CUX1: variants seen among roughly 807,000 people sequenced by gnomAD.
The protein encoded by CUX1 is cut like homeobox 1.
Under a neutral mutation model 158.8 loss-of-function variants are expected in CUX1, and 31 were observed. The observed-to-expected ratio is 0.20, with a 90% confidence interval of 0.15 to 0.26. The LOEUF is 0.26. Ranked by LOEUF, CUX1 falls within the 10% of genes least tolerant of loss-of-function variation. The pLI, the probability that CUX1 is intolerant of heterozygous loss-of-function variation, is 1.00. For missense variants in CUX1, 1,589 were observed against 2,014.6 expected (o/e 0.79, Z 4.04); for synonymous variants, 879 against 862.1 (o/e 1.02, Z -0.34).
upstream of CUX1, chr7:101,817,470 G>A (rs1248622936): frequency 1.9e-6 from 2 of 1,077,286 alleles, no homozygotes; most frequent in African/African-American, 3.4e-5. This position sits in a 1 kb window ranked among gnomAD's most constrained non-coding sequence, Gnocchi z 4.1. Context: ...GCGCCGCGGG[G>A]GGACCGTGCC....
At chr7:102,008,229 C>T (rs571365874) in intron 2 of CUX1, among the ~76,000 whole-genome samples, 3 of 152,268 alleles carry the variant, frequency 2.0e-5, no homozygotes, top group African/African-American at 4.8e-5. Context: ...CTAGGGGCTT[C>T]GGTGATCTGG....
At chr7:101,860,077 C>T (rs117598150) in intron 1 of CUX1, among the ~76,000 whole-genome samples, 4,033 of 151,782 alleles carry the variant, frequency 0.027, 75 homozygotes, top group Middle Eastern at 0.058. Context: ...TCTCTCCCCC[C>T]TTCTCCCCTC....
At position 102,257,204 on chromosome 7, in the gene CUX1, TATC is replaced by T; in HGVS notation, c.*8167_*8169del. On this transcript the variant is annotated 3_prime_UTR_variant, in exon 24 of 24. Transcript: ENST00000292535. The stretch of plus-strand genomic sequence containing the variant: ...AGGCTGGGAAGAGCATCTCTTTCCA[TATC>T]ATCACCTCCCCTTCTCCAAGATTGC... The T allele has an allele frequency of 2.4e-5, 24 of 985,390 alleles. No individual in the cohort carries two copies. The highest frequency in any genetic ancestry group is 2.9e-5 in the Non-Finnish European group (24 of 829,930). 61.0% of individuals were successfully genotyped at this position (985,390 alleles called of 1,614,324 possible). A position where few individuals can be genotyped will look rare whatever the true frequency, so the allele number is the denominator to read the frequency against.
chr7:101,840,998 A>G (rs1466909443), intron 1 of CUX1, among the ~76,000 whole-genome samples: 1 of 151,690 alleles, frequency 6.6e-6, no homozygotes, highest in Non-Finnish European at 1.5e-5. Context: ...GGTTCACACC[A>G]TTTTCCTGCC....
chr7:102,204,631 C>A (rs2132067003), intron 19 of CUX1, 75 bp downstream of exon 19: 1 of 1,554,128 alleles, frequency 6.4e-7, no homozygotes. Context: ...CCCACCTGGG[C>A]TATGCAGAGA....
rs144809164 is a variant in CUX1, at chr7:101,916,848, G to A, written c.141+623G>A. On this transcript the variant is annotated intron_variant, in intron 2 of 23. Coordinates refer to ENST00000292535, the MANE Select transcript of CUX1 (RefSeq NM_181552.4). The surrounding 1 kb of genome is among the most constrained non-coding windows in gnomAD (Gnocchi z 4.4). ...GACAGTGTTGAGTTGCTGGGGTGGCGTTTTTCTGCTCGTTTCCTGGCCCCT... is the reference window on the plus strand; with the variant it reads ...GACAGTGTTGAGTTGCTGGGGTGGCATTTTTCTGCTCGTTTCCTGGCCCCT... Among the ~76,000 whole-genome samples, 59 of 151,946 alleles carry A rather than the reference G, an allele frequency of 3.9e-4. No individual in the cohort carries two copies. The highest frequency in any genetic ancestry group is 1.2e-3 in the African/African-American group (49 of 41,432).
At chr7:102,282,727 G>T in exon 22 of CUX1, 1 of 1,613,560 alleles carries the variant, frequency 6.2e-7, no homozygotes, top group Non-Finnish European at 8.5e-7. Flanking sequence ...CTACAAGCTG[G>T]CATGGAGCGA....
intron 1 of CUX1, among the ~76,000 whole-genome samples, chr7:101,852,190 C>T (rs1043342459): frequency 1.3e-5 from 2 of 152,090 alleles, no homozygotes; most frequent in Admixed American, 1.3e-4. Flanking sequence ...ATTTCTCAAC[C>T]TTCCAGTCTT....
Position 102,250,049 on chromosome 7 carries a change from A to G in CUX1, c.*1007A>G. The G allele has an allele frequency of 1.0e-6, 1 of 977,442 alleles. No individual in the cohort carries two copies. Among genetic ancestry groups the G allele is most frequent in the Non-Finnish European group, 1.2e-6 (1 of 825,290 alleles). The allele number at this position is 977,442 out of a possible 1,614,324, so 60.5% of individuals were successfully genotyped here. A position where few individuals can be genotyped will look rare whatever the true frequency, so the allele number is the denominator to read the frequency against. On this transcript the variant is annotated 3_prime_UTR_variant, in exon 24 of 24. Transcript: ENST00000292535. ...ATTCTAGGCCAAATCAGGACAAAAAAAAGAAAAAAAAAGAAAAAAAAAAAA... is the reference window on the plus strand; with the variant it reads ...ATTCTAGGCCAAATCAGGACAAAAAGAAGAAAAAAAAAGAAAAAAAAAAAA...
intron 23 of CUX1, among the ~76,000 whole-genome samples, chr7:102,244,035 A>C (rs1800536593): frequency 6.6e-6 from 1 of 151,756 alleles, no homozygotes; most frequent in Admixed American, 6.6e-5. Flanking sequence ...TCAAAAAAAT[A>C]AAAATAAAAA....
Position 102,101,910 on chromosome 7 carries a change from T to C in CUX1, c.407-2426T>C, listed in dbSNP as rs1829814571. 1.1e-4 allele frequency among the ~76,000 whole-genome samples: 10 copies of C among 92,768 alleles called. No individual in the cohort carries two copies. In the South Asian group the frequency reaches 3.1e-3, roughly 29 times the overall value. 60.9% of individuals were successfully genotyped at this position (92,768 alleles called of 152,430 possible). A position where few individuals can be genotyped will look rare whatever the true frequency, so the allele number is the denominator to read the frequency against. Reference sequence around the variant, plus strand: ...CTGGGTGACAGAGCGAGTATCTGTCTCAATAAAAAAAAAAAAAAAGACAAA... The same window carrying C: ...CTGGGTGACAGAGCGAGTATCTGTCCCAATAAAAAAAAAAAAAAAGACAAA... On this transcript the variant is annotated intron_variant, in intron 5 of 23. Coordinates refer to ENST00000292535, the MANE Select transcript of CUX1 (RefSeq NM_181552.4).
At chr7:101,952,481 C>T (rs1460051497) in intron 2 of CUX1, among the ~76,000 whole-genome samples, 1 of 152,222 alleles carries the variant, frequency 6.6e-6, no homozygotes. Flanking sequence ...TTCACCAGCT[C>T]TCCTGGTTAA....
Position 102,255,866 on chromosome 7 carries a change from G to A in CUX1, c.*6824G>A. ...TTTTTTTTGTACTTTGCTTTAAACG[G>A]AAAGCACTTAAATAGATGACTATGT... On this transcript the variant is annotated 3_prime_UTR_variant, in exon 24 of 24. Transcript: ENST00000292535. 1 of 984,288 alleles carries A rather than the reference G, an allele frequency of 1.0e-6. No homozygotes were observed. 61.0% of individuals were successfully genotyped at this position (984,288 alleles called of 1,614,324 possible).
chr7:101,853,907 T>C (rs1796534482), intron 1 of CUX1, among the ~76,000 whole-genome samples: 1 of 152,210 alleles, frequency 6.6e-6, no homozygotes, highest in Admixed American at 6.5e-5. Flanking sequence ...AGGAGGGACC[T>C]GACCGCAGTG....
In CUX1 at chr7:102,083,032, T is replaced by G. The variant is rs569702255; in HGVS notation, c.268+12615T>G. ...GCCAAGCTGCTTTTCAATGTAGATGTATCTTTTTTTATTAATTTTTTTCAT... is the reference window on the plus strand; with the variant it reads ...GCCAAGCTGCTTTTCAATGTAGATGGATCTTTTTTTATTAATTTTTTTCAT... On this transcript the variant is annotated intron_variant, in intron 4 of 23. Transcript: ENST00000292535. 5.0e-4 allele frequency among the ~76,000 whole-genome samples: 73 copies of G among 147,376 alleles called. 4 individuals carry two copies. In the South Asian group the frequency reaches 0.016, roughly 32 times the overall value.
upstream of CUX1, chr7:101,817,527 A>C (rs1791995014): frequency 1.9e-5 from 23 of 1,212,802 alleles, no homozygotes; most frequent in Non-Finnish European, 2.4e-5. This position sits in a 1 kb window ranked among gnomAD's most constrained non-coding sequence, Gnocchi z 4.1. Flanking sequence ...CCAAGGGGCG[A>C]GTGCCTGCCT....
chr7:101,949,878 G>T (rs1808849003), intron 2 of CUX1, among the ~76,000 whole-genome samples: 1 of 151,970 alleles, frequency 6.6e-6, no homozygotes, highest in South Asian at 2.1e-4. Flanking sequence ...CCCAATCCCT[G>T]AGAGAGGGGC....
intron 1 of CUX1, among the ~76,000 whole-genome samples, chr7:101,828,020 A>G (rs1360868536): frequency 7.6e-6 from 1 of 130,736 alleles, no homozygotes; most frequent in Non-Finnish European, 1.6e-5. Context: ...CCTGTCACCC[A>G]GGCTGGAGTG....
chr7:101,952,676 T>C (rs1239737743), intron 2 of CUX1, among the ~76,000 whole-genome samples: 3 of 152,290 alleles, frequency 2.0e-5, no homozygotes, highest in African/African-American at 7.2e-5. Context: ...ACCCACGCAT[T>C]TGCACAAATG....
Sources: allele counts gnomAD v4.1 joint callset (sites outside exome capture counted in the v4.1 genomes callset), GRCh38; gene constraint gnomAD v4.1.1; non-coding constraint Gnocchi (gnomAD v3.1); transcripts MANE v1.5; gene names NCBI Gene and HGNC (gene_info 2026-07-23, HGNC 2026-07-21).